Variants in KANK1 observed in about 807,000 individuals in gnomAD.
KANK1 encodes the protein KN motif and ankyrin repeat domains 1, also known as KN motif and ankyrin repeat domain-containing protein 1.
A neutral mutation model predicts 106.2 loss-of-function variants in KANK1; 109 were observed. That is an observed-to-expected ratio of 1.03 (90% confidence interval 0.88 to 1.20). The LOEUF is 1.20. KANK1 is among the 50% of genes most tolerant of loss of function. KANK1 has a pLI of 0.00. For missense variants in KANK1, 2,399 were observed against 1,710.7 expected (o/e 1.40, Z -7.10); for synonymous variants, 873 against 652.2 (o/e 1.34, Z -5.16).
At chr9:554,567 A>G (rs2061469781) in intron 1 of KANK1, among the ~76,000 whole-genome samples, 1 of 152,234 alleles carries the variant, frequency 6.6e-6, no homozygotes, top group Admixed American at 6.5e-5. Context: ...AATAAAATAG[A>G]AAATATTATT....
chr9:727,642 A>G (rs1039397791), intron 3 of KANK1, among the ~76,000 whole-genome samples: 6 of 151,390 alleles, frequency 4.0e-5, no homozygotes, highest in Admixed American at 3.9e-4. Flanking sequence ...TAAAACTACC[A>G]TAGCTGTTTC....
intron 1 of KANK1, among the ~76,000 whole-genome samples, chr9:507,035 A>C (rs778143619): frequency 6.6e-6 from 1 of 152,230 alleles, no homozygotes; most frequent in African/African-American, 2.4e-5. Context: ...TGCAACATCC[A>C]CTACACTTCT....
chr9:537,735 GTT>G, intron 1 of KANK1, among the ~76,000 whole-genome samples: 1 of 152,308 alleles, frequency 6.6e-6, no homozygotes, highest in East Asian at 1.9e-4. Flanking sequence ...GACATTTTTG[GTT>G]GCCATGATTT....
intron 2 of KANK1, among the ~76,000 whole-genome samples, chr9:708,540 G>C (rs903548521): frequency 6.6e-6 from 1 of 152,172 alleles, no homozygotes; most frequent in Non-Finnish European, 1.5e-5. Flanking sequence ...TGGGACGTAA[G>C]GAATATACGT....
intron 1 of KANK1, among the ~76,000 whole-genome samples, chr9:660,996 C>T (rs1843171128): frequency 6.6e-6 from 1 of 152,164 alleles, no homozygotes; most frequent in Non-Finnish European, 1.5e-5. Context: ...AACTGATGTA[C>T]CAGTCATGTA....
intron 1 of KANK1, among the ~76,000 whole-genome samples, chr9:660,769 G>A (rs963433079): frequency 6.6e-6 from 1 of 152,190 alleles, no homozygotes; most frequent in Non-Finnish European, 1.5e-5. Context: ...CTGGAAGGGA[G>A]CCTTTGGTGG....
chr9:630,304 C>G (rs551397822), intron 1 of KANK1, among the ~76,000 whole-genome samples: 5 of 151,746 alleles, frequency 3.3e-5, no homozygotes, highest in Admixed American at 3.3e-4. Flanking sequence ...GCCTGTAATC[C>G]CAGCACTTTG....
At chr9:685,324 A>G (rs1818339605) in intron 2 of KANK1, among the ~76,000 whole-genome samples, 1 of 152,228 alleles carries the variant, frequency 6.6e-6, no homozygotes, top group South Asian at 2.1e-4. Context: ...AAATATATAT[A>G]GTGACCAGAT....
intron 1 of KANK1, among the ~76,000 whole-genome samples, chr9:571,607 C>T (rs182401054): frequency 4.4e-4 from 67 of 151,552 alleles, no homozygotes; most frequent in East Asian, 2.3e-3. Flanking sequence ...AAAAGAAAAA[C>T]GTGACTAAGA....
intron 1 of KANK1, among the ~76,000 whole-genome samples, chr9:660,835 G>C (rs1843130776): frequency 6.6e-6 from 1 of 152,134 alleles, no homozygotes; most frequent in South Asian, 2.1e-4. Context: ...TTTTAGAGAG[G>C]CCCCCTTCCC....
Position 740,855 on chromosome 9 carries a change from C to G in KANK1, c.3617C>G (p.Ala1206Gly), listed in dbSNP as rs748286306. ...GYTPIMLAAL[A>G]AVEAEKDMRI... Reference sequence around the variant, plus strand: ...ACCCCCATCATGTTGGCGGCCCTCGCCGCTGTGGAAGCAGAGAAGGACATG... The same window carrying G: ...ACCCCCATCATGTTGGCGGCCCTCGGCGCTGTGGAAGCAGAGAAGGACATG... Residue 1206 changes from alanine to glycine, a missense_variant, in exon 9 of 12, where the codon GCC (alanine) becomes GGC (glycine). Coordinates refer to ENST00000382297, the MANE Select transcript of KANK1 (RefSeq NM_015158.5). 1.2e-6 allele frequency: 2 copies of G among 1,613,938 alleles called. No individual in the cohort carries two copies. Among genetic ancestry groups the G allele is most frequent in the South Asian group, 2.2e-5 (2 of 91,066 alleles).
In KANK1 at chr9:674,994, C is replaced by T. The variant is rs565062452; in HGVS notation, c.-83-1896C>T. ...TGCTGGGATTACAGGTGTGAGCCAC[C>T]GCACCTGGCCTAAATATTTATTTTT... is the stretch of plus-strand genomic sequence containing the variant. On this transcript the variant is annotated intron_variant, in intron 1 of 11. Transcript: ENST00000382297. 3.1e-4 allele frequency among the ~76,000 whole-genome samples: 46 copies of T among 150,084 alleles called. 1 individual carries two copies. The highest frequency in any genetic ancestry group is 3.0e-3 in the East Asian group (15 of 5,042).
chr9:599,084 T>C (rs377586064), intron 1 of KANK1, among the ~76,000 whole-genome samples: 1 of 149,506 alleles, frequency 6.7e-6, no homozygotes, highest in East Asian at 2.0e-4. Context: ...AATGGTGCGA[T>C]CTTGGCTCAC....
At chr9:497,975 G>A (rs2058484625) in intron 3 of KANK1, among the ~76,000 whole-genome samples, 1 of 152,168 alleles carries the variant, frequency 6.6e-6, no homozygotes, top group South Asian at 2.1e-4. Flanking sequence ...TCGCTGGGGT[G>A]TCTTCCTTGC....
At chr9:502,723 A>G (rs1337836301), upstream of KANK1, among the ~76,000 whole-genome samples, 13 of 152,026 alleles carry the variant, frequency 8.6e-5, no homozygotes, top group Admixed American at 8.5e-4. Context: ...ATGGGGTTTC[A>G]CCATGTTGGC....
At chr9:485,726 C>T (rs982852750) in intron 3 of KANK1, among the ~76,000 whole-genome samples, 4 of 152,080 alleles carry the variant, frequency 2.6e-5, no homozygotes, top group African/African-American at 9.7e-5. Context: ...TACAAATTAG[C>T]TGGATGTGGT....
intron 1 of KANK1, among the ~76,000 whole-genome samples, chr9:624,967 C>G (rs534525657): frequency 2.0e-5 from 3 of 152,290 alleles, no homozygotes; most frequent in African/African-American, 7.2e-5. Context: ...CCTGAGCAAG[C>G]TATTTAACTT....
Position 732,730 on chromosome 9 carries a change from C to G in KANK1, c.3245+113C>G, listed in dbSNP as rs7860445. 0.058 allele frequency: 67,874 copies of G among 1,167,756 alleles called. 3,168 individuals are homozygous for G. Among genetic ancestry groups the G allele is most frequent in the African/African-American group, 0.21 (13,919 of 65,556 alleles). The allele number at this position is 1,167,756 out of a possible 1,614,324, so 72.3% of individuals were successfully genotyped here. A position where few individuals can be genotyped will look rare whatever the true frequency, so the allele number is the denominator to read the frequency against. ...TAAATGTTTGCTTTTATCTGTTCCTCAGAGGTATACACATCTTGAGATACT... is the reference window on the plus strand; with the variant it reads ...TAAATGTTTGCTTTTATCTGTTCCTGAGAGGTATACACATCTTGAGATACT... On this transcript the variant is annotated intron_variant, in intron 6 of 11. Transcript: ENST00000382297.
chr9:531,623 C>T (rs188758443), intron 1 of KANK1, among the ~76,000 whole-genome samples: 1 of 152,174 alleles, frequency 6.6e-6, no homozygotes, highest in Admixed American at 6.5e-5. Flanking sequence ...GGTCCAGTCT[C>T]AGGTGATGAA....
Sources: allele counts gnomAD v4.1 joint callset (sites outside exome capture counted in the v4.1 genomes callset), GRCh38; gene constraint gnomAD v4.1.1; transcripts MANE v1.5; gene names NCBI Gene and HGNC (gene_info 2026-07-23, HGNC 2026-07-21).